The following CDON variants were observed in gnomAD, a reference collection of about 807,000 sequenced individuals.
The protein encoded by CDON is cell adhesion associated, oncogene regulated, also known as cell adhesion molecule-related/down-regulated by oncogenes.
In CDON, 73 loss-of-function variants were observed where a neutral mutation model predicts 120.9. The ratio of observed to expected loss-of-function variants is 0.60; its 90% confidence interval spans 0.50 to 0.73. The LOEUF (loss-of-function observed/expected upper bound fraction) is 0.73. CDON is among the 30% of genes least tolerant of loss of function. The pLI is 0.00. For missense variants in CDON, 1,470 were observed against 1,587.3 expected (o/e 0.93, Z 1.26); for synonymous variants, 566 against 573.5 (o/e 0.99, Z 0.19).
intron 18 of CDON, among the ~76,000 whole-genome samples, chr11:125,975,984 CT>C (rs1946139663): frequency 6.6e-6 from 1 of 152,132 alleles, no homozygotes; most frequent in Non-Finnish European, 1.5e-5. Context: ...AATCACGCTT[CT>C]TTTTATGTTT....
At chr11:125,982,090 TCTC>T (rs1946329647) in intron 16 of CDON, among the ~76,000 whole-genome samples, 2 of 141,740 alleles carry the variant, frequency 1.4e-5, no homozygotes, top group Non-Finnish European at 3.0e-5. Flanking sequence ...TTCAAGCAAT[TCTC>T]CTGCTTCAAC....
chr11:126,048,609 C>A (rs1948468341), intron 1 of CDON, among the ~76,000 whole-genome samples: 1 of 152,078 alleles, frequency 6.6e-6, no homozygotes, highest in African/African-American at 2.4e-5. Context: ...TTAAAAAATT[C>A]TACTACATAA....
intron 18 of CDON, among the ~76,000 whole-genome samples, chr11:125,970,678 C>T (rs1945956337): frequency 6.6e-6 from 1 of 152,138 alleles, no homozygotes; most frequent in South Asian, 2.1e-4. Context: ...TGGGAGTTTC[C>T]TTTTGGGAAT....
At position 125,977,426 on chromosome 11, in the gene CDON, C is replaced by A. The variant is rs752022259; in HGVS notation, c.3356+878G>T. ...CAGAGACAACTCTTAACCTGTTAAT[C>A]CATTTTAAATATATAGGTCAAACAT... On this transcript the variant is annotated intron_variant, in intron 18 of 19. Coordinates refer to ENST00000531738, the MANE Select transcript of CDON (RefSeq NM_001378964.1). 3.4e-4 allele frequency among the ~76,000 whole-genome samples: 51 copies of A among 152,128 alleles called. 1 individual carries two copies. Among genetic ancestry groups the A allele is most frequent in the Non-Finnish European group, 5.4e-4 (37 of 68,012 alleles).
At chr11:125,981,355 C>T in intron 16 of CDON, 26 bp from the exon 17 acceptor site, 1 of 1,363,186 alleles carries the variant, frequency 7.3e-7, no homozygotes, top group South Asian at 1.1e-5. Flanking sequence ...AAAAAAGACA[C>T]ACACGCACAC....
intron 12 of CDON, among the ~76,000 whole-genome samples, chr11:125,995,375 C>A (rs1946752268): frequency 6.6e-6 from 1 of 152,202 alleles, no homozygotes; most frequent in Non-Finnish European, 1.5e-5. Flanking sequence ...TTGCTCTTTT[C>A]ACCATCCTGT....
chr11:126,014,980 G>C (rs1274770075), intron 7 of CDON: 2 of 482,996 alleles, frequency 4.1e-6, no homozygotes, highest in South Asian at 2.3e-5. Flanking sequence ...GAGTAAGAGA[G>C]AGATTGTACC....
chr11:125,999,963 A>C (rs933664271), intron 11 of CDON, among the ~76,000 whole-genome samples: 1 of 152,210 alleles, frequency 6.6e-6, no homozygotes, highest in Non-Finnish European at 1.5e-5. Flanking sequence ...TCTTTGCTAG[A>C]AACTCTTTTG....
chr11:125,981,145 A>G lies in CDON; in HGVS notation c.3180T>C (p.Ile1060=). ...GCCCTCCATTTAGGCTCCCATTCAC[A>G]ATTCCATTGACTGCATTGGGGACCT... ...HHKVPNAVNG[I]VNGSLNGGLY... Residue 1060 remains isoleucine, a synonymous_variant, in exon 17 of 20, where the codon ATT becomes ATC. Coordinates refer to ENST00000531738, the MANE Select transcript of CDON (RefSeq NM_001378964.1). 6.2e-7 allele frequency: 1 copy of G among 1,614,124 alleles called. No individual in the cohort carries two copies. Among genetic ancestry groups the G allele is most frequent in the Non-Finnish European group, 8.5e-7 (1 of 1,180,006 alleles).
intron 1 of CDON, among the ~76,000 whole-genome samples, chr11:126,028,159 A>T (rs1431638757): frequency 6.6e-6 from 1 of 152,132 alleles, no homozygotes; most frequent in African/African-American, 2.4e-5. Flanking sequence ...GTACACATTC[A>T]ATACAGAATG....
At chr11:125,976,475 C>T (rs886533059) in intron 18 of CDON, among the ~76,000 whole-genome samples, 3 of 152,032 alleles carry the variant, frequency 2.0e-5, no homozygotes, top group Non-Finnish European at 2.9e-5. Context: ...CAGTAAAACC[C>T]ACACACATGA....
chr11:125,976,479 C>T (rs1484775749), intron 18 of CDON, among the ~76,000 whole-genome samples: 1 of 152,074 alleles, frequency 6.6e-6, no homozygotes, highest in African/African-American at 2.4e-5. Context: ...AAAACCCACA[C>T]ACATGAAATG....
chr11:125,979,511 C>A (rs1946236272), intron 17 of CDON, among the ~76,000 whole-genome samples: 2 of 152,280 alleles, frequency 1.3e-5, no homozygotes, highest in South Asian at 4.1e-4. Context: ...TTTAGGGTCA[C>A]TAACACTGTT....
At chr11:126,009,289 C>T (rs1947222294) in intron 8 of CDON, among the ~76,000 whole-genome samples, 1 of 152,202 alleles carries the variant, frequency 6.6e-6, no homozygotes, top group Non-Finnish European at 1.5e-5. Flanking sequence ...CGTATGTGCA[C>T]ATACGAACTC....
chr11:126,058,450 G>A (rs1004977803), intron 1 of CDON, among the ~76,000 whole-genome samples: 1 of 152,174 alleles, frequency 6.6e-6, no homozygotes, highest in African/African-American at 2.4e-5. Flanking sequence ...GAAATGCCCA[G>A]GATTAAGGTG....
At chr11:125,981,758 C>T (rs374286874) in intron 16 of CDON, among the ~76,000 whole-genome samples, 1 of 151,710 alleles carries the variant, frequency 6.6e-6, no homozygotes, top group African/African-American at 2.4e-5. Flanking sequence ...GCTTAAACTC[C>T]TATATATTAT....
intron 1 of CDON, among the ~76,000 whole-genome samples, chr11:126,061,103 C>T (rs1427810698): frequency 2.6e-5 from 4 of 152,188 alleles, no homozygotes. Context: ...ACAGATTTCC[C>T]AAACACTGGG....
At position 125,959,809 on chromosome 11, in the gene CDON, C is replaced by T. The variant is rs1945590679; in HGVS notation, c.*1133G>A. The T allele has an allele frequency of 6.6e-6, 1 of 152,142 alleles. No individual in the cohort carries two copies. Among genetic ancestry groups the T allele is most frequent in the Non-Finnish European group, 1.5e-5 (1 of 68,024 alleles). 9.4% of individuals were successfully genotyped at this position (152,142 alleles called of 1,614,324 possible). On this transcript the variant is annotated 3_prime_UTR_variant, in exon 20 of 20. Coordinates refer to ENST00000531738, the MANE Select transcript of CDON (RefSeq NM_001378964.1). ...AAGACAGGCTCCCTGCAGCCCTCCCCTTTCTTTCTTCTGAAAATGTGTATC... is the reference window on the plus strand; with the variant it reads ...AAGACAGGCTCCCTGCAGCCCTCCCTTTTCTTTCTTCTGAAAATGTGTATC...
intron 1 of CDON, among the ~76,000 whole-genome samples, chr11:126,027,792 G>T (rs59717599): frequency 6.6e-6 from 1 of 151,100 alleles, no homozygotes; most frequent in Admixed American, 6.6e-5. Flanking sequence ...AACAATCCAT[G>T]ATAAGGACAA....
Sources: gnomAD v4.1 joint callset for allele counts (sites outside exome capture counted in the v4.1 genomes callset) on GRCh38, gnomAD v4.1.1 for gene constraint, MANE v1.5 for transcripts, NCBI Gene and HGNC (gene_info 2026-07-23, HGNC 2026-07-21) for gene names.